Variants in LMX1A observed in about 807,000 individuals in gnomAD.
The protein encoded by LMX1A is LIM homeobox transcription factor 1 alpha, also known as LIM homeobox transcription factor 1-alpha.
In LMX1A, 15 loss-of-function variants were observed where a neutral mutation model predicts 49.1. The observed-to-expected ratio is 0.31, with a 90% confidence interval of 0.20 to 0.47. The LOEUF is 0.47. Ranked by LOEUF, LMX1A falls within the 20% of genes least tolerant of loss-of-function variation. The pLI, the probability that LMX1A is intolerant of heterozygous loss-of-function variation, is 1.00. For missense variants in LMX1A, 372 were observed against 475.8 expected (o/e 0.78, Z 2.03); for synonymous variants, 167 against 185.7 (o/e 0.90, Z 0.82).
At chr1:165,241,806 G>GA (rs1344554155) in intron 4 of LMX1A, among the ~76,000 whole-genome samples, 1 of 151,978 alleles carries the variant, frequency 6.6e-6, no homozygotes, top group African/African-American at 2.4e-5. Context: ...GTAACGAATT[G>GA]AAAAAAACAG....
chr1:165,238,670 TGGGGTCTCTCA>T (rs1002682635), intron 4 of LMX1A, among the ~76,000 whole-genome samples: 2 of 152,214 alleles, frequency 1.3e-5, no homozygotes, highest in African/African-American at 4.8e-5. Flanking sequence ...GTCCTTCAGT[TGGGGTCTCTCA>T]GGTAGTAAGT....
At chr1:165,277,664 A>C (rs1227627710) in intron 3 of LMX1A, among the ~76,000 whole-genome samples, 1 of 152,214 alleles carries the variant, frequency 6.6e-6, no homozygotes, top group Non-Finnish European at 1.5e-5. Context: ...CTGCTCTGTC[A>C]GTGCTGGCCA....
At chr1:165,337,463 A>G (rs1230691024) in intron 3 of LMX1A, among the ~76,000 whole-genome samples, 1 of 152,186 alleles carries the variant, frequency 6.6e-6, no homozygotes, top group Non-Finnish European at 1.5e-5. Context: ...ACGAGCTTTA[A>G]AATTAGAAAG....
chr1:165,206,016 C>T lies in LMX1A; in HGVS notation c.836G>A (p.Gly279Glu). The change falls in exon 8 of 9, where the codon GGG (glycine) becomes GAG (glutamate). Residue 279 changes from glycine (G) to glutamate (E), a missense_variant. Around this residue, in one of 3 missense-constraint regions of LMX1A, gnomAD observed 127 missense variants for 138.0 expected, o/e 0.92. Coordinates refer to ENST00000342310, the MANE Select transcript of LMX1A (RefSeq NM_177398.4). Reference sequence around the variant, plus strand: ...CATGATTCCTTCCATCCCAGCACTCCCACCACCGTTTGTCTGAGCTGTGGA... The same window carrying T: ...CATGATTCCTTCCATCCCAGCACTCTCACCACCGTTTGTCTGAGCTGTGGA... ...RLSSAQTNGG[G>E]SAGMEGIMNP... 1.3e-6 allele frequency: 2 copies of T among 1,572,422 alleles called. No homozygotes were observed. Among genetic ancestry groups the T allele is most frequent in the Non-Finnish European group, 1.7e-6 (2 of 1,160,066 alleles).
chr1:165,285,574 C>T (rs1236511600), intron 3 of LMX1A, among the ~76,000 whole-genome samples: 2 of 152,186 alleles, frequency 1.3e-5, no homozygotes, highest in Admixed American at 1.3e-4. Context: ...TGAACACATG[C>T]TTATGGGCTT....
chr1:165,267,650 G>A (rs1653667368), intron 3 of LMX1A, among the ~76,000 whole-genome samples: 1 of 152,134 alleles, frequency 6.6e-6, no homozygotes, highest in Admixed American at 6.5e-5. Context: ...AATACCCCAG[G>A]TAAGAGATGA....
At chr1:165,213,523 T>A in intron 5 of LMX1A, 118 bp downstream of exon 5, 1 of 935,638 alleles carries the variant, frequency 1.1e-6, no homozygotes, top group Non-Finnish European at 1.6e-6. Context: ...GTGCAGGCTC[T>A]GTCTGAACAG....
At chr1:165,349,081 C>A (rs1123821) in intron 3 of LMX1A, among the ~76,000 whole-genome samples, 2 of 152,078 alleles carry the variant, frequency 1.3e-5, no homozygotes, top group Non-Finnish European at 2.9e-5. Flanking sequence ...GCAATCCAAG[C>A]GATCATGATA....
At chr1:165,275,422 C>A (rs1653935093) in intron 3 of LMX1A, among the ~76,000 whole-genome samples, 1 of 152,212 alleles carries the variant, frequency 6.6e-6, no homozygotes, top group Admixed American at 6.5e-5. Context: ...TTGTGGGAAA[C>A]ATCCCAGTAA....
At chr1:165,297,725 C>T in intron 3 of LMX1A, among the ~76,000 whole-genome samples, 1 of 152,140 alleles carries the variant, frequency 6.6e-6, no homozygotes, top group Admixed American at 6.5e-5. Context: ...TGAGACCCTC[C>T]ACAACCAGCC....
At chr1:165,233,755 C>A (rs1465012574) in intron 4 of LMX1A, among the ~76,000 whole-genome samples, 4 of 152,220 alleles carry the variant, frequency 2.6e-5, no homozygotes, top group Admixed American at 6.5e-5. Flanking sequence ...CATTTAAGTT[C>A]TAGAATTTAA....
chr1:165,313,197 A>G (rs1157232228), intron 3 of LMX1A, among the ~76,000 whole-genome samples: 1 of 152,214 alleles, frequency 6.6e-6, no homozygotes, highest in Non-Finnish European at 1.5e-5. Flanking sequence ...GCAGAGTTCC[A>G]TGTTGAAAAA....
intron 3 of LMX1A, among the ~76,000 whole-genome samples, chr1:165,278,580 T>A (rs1654042370): frequency 6.6e-6 from 1 of 152,100 alleles, no homozygotes; most frequent in South Asian, 2.1e-4. Flanking sequence ...TTCCCCATCC[T>A]CCCTCTTCAC....
At chr1:165,293,097 CAG>C (rs1654523407) in intron 3 of LMX1A, among the ~76,000 whole-genome samples, 1 of 148,774 alleles carries the variant, frequency 6.7e-6, no homozygotes, top group South Asian at 2.1e-4. Flanking sequence ...AGCCGGGCGA[CAG>C]AGAGAGACTC....
intron 3 of LMX1A, among the ~76,000 whole-genome samples, chr1:165,251,083 CTTTT>C (rs36006799): frequency 2.1e-5 from 3 of 143,694 alleles, no homozygotes; most frequent in African/African-American, 7.7e-5. Flanking sequence ...TATTGAATGG[CTTTT>C]TTTTTTTTTT....
intron 3 of LMX1A, among the ~76,000 whole-genome samples, chr1:165,335,152 T>A (rs1655861499): frequency 6.6e-6 from 1 of 152,232 alleles, no homozygotes; most frequent in South Asian, 2.1e-4. Flanking sequence ...TATTATTTAC[T>A]TAAAATATGA....
intron 3 of LMX1A, among the ~76,000 whole-genome samples, chr1:165,277,085 C>A (rs2101701870): frequency 6.6e-6 from 1 of 152,354 alleles, no homozygotes; most frequent in South Asian, 2.1e-4. Context: ...AGCACAACAG[C>A]TCTGGGGACT....
intron 3 of LMX1A, among the ~76,000 whole-genome samples, chr1:165,344,942 C>T (rs1467695395): frequency 6.6e-6 from 1 of 152,224 alleles, no homozygotes; most frequent in Non-Finnish European, 1.5e-5. Flanking sequence ...AGCTCCGACT[C>T]AGGCTCAGGC....
intron 3 of LMX1A, among the ~76,000 whole-genome samples, chr1:165,333,416 C>A (rs542187603): frequency 4.6e-5 from 7 of 152,304 alleles, no homozygotes; most frequent in Admixed American, 3.9e-4. Flanking sequence ...ACCTCCGCCT[C>A]CCAAAGTGCT....
Sources: allele counts gnomAD v4.1 joint callset (sites outside exome capture counted in the v4.1 genomes callset), GRCh38; gene constraint gnomAD v4.1.1; regional missense constraint gnomAD v4.1.1; transcripts MANE v1.5; gene names NCBI Gene and HGNC (gene_info 2026-07-23, HGNC 2026-07-21).